The following CAMK1D variants were observed in gnomAD, a reference collection of about 807,000 sequenced individuals.
The protein encoded by CAMK1D is calcium/calmodulin-dependent protein kinase type 1D.
A neutral mutation model predicts 47.7 loss-of-function variants in CAMK1D; 9 were observed. The observed-to-expected ratio is 0.19, with a 90% CI of 0.11 to 0.33. The LOEUF is 0.33. Ranked by LOEUF, CAMK1D falls within the 10% of genes least tolerant of loss-of-function variation. The pLI is 1.00. For missense variants in CAMK1D, 291 were observed against 488.7 expected, an observed-to-expected ratio of 0.60 and a Z score of 3.81; for synonymous variants, 184 against 184.9, an observed-to-expected ratio of 0.99 and a Z score of 0.04.
Position 12,559,100 on chromosome 10 carries a change from G to T in CAMK1D, c.224+5744G>T, listed in dbSNP as rs555467758. 1.9e-4 allele frequency among the ~76,000 whole-genome samples: 29 copies of T among 152,062 alleles called. No homozygotes were observed. In the South Asian group the frequency reaches 5.6e-3, roughly 29 times the overall value. On this transcript the variant is annotated intron_variant, in intron 2 of 10. Coordinates refer to ENST00000619168, the MANE Select transcript of CAMK1D (RefSeq NM_153498.4). ...AGGCAGGAGGATTGTCTGAGGCTGGGAGTTCAAGACCAGCCTGGGCATCAT... is the reference window on the plus strand; with the variant it reads ...AGGCAGGAGGATTGTCTGAGGCTGGTAGTTCAAGACCAGCCTGGGCATCAT...
chr10:12,725,660 G>A (rs1240496694), intron 3 of CAMK1D, among the ~76,000 whole-genome samples: 1 of 152,164 alleles, frequency 6.6e-6, no homozygotes, highest in Non-Finnish European at 1.5e-5. Flanking sequence ...GCAACATCAT[G>A]AGGCGTGTCT....
At chr10:12,613,266 G>T (rs147191420) in intron 2 of CAMK1D, among the ~76,000 whole-genome samples, 4 of 152,182 alleles carry the variant, frequency 2.6e-5, no homozygotes, top group East Asian at 3.9e-4. Flanking sequence ...GCACCTAAGC[G>T]TGATAGATGG....
intron 1 of CAMK1D, among the ~76,000 whole-genome samples, chr10:12,375,124 C>T (rs1838139015): frequency 6.6e-6 from 1 of 151,966 alleles, no homozygotes; most frequent in South Asian, 2.1e-4. Context: ...GGAAAATTTT[C>T]TCTGATGCAA....
At chr10:12,606,382 C>T (rs1838462862) in intron 2 of CAMK1D, among the ~76,000 whole-genome samples, 1 of 152,182 alleles carries the variant, frequency 6.6e-6, no homozygotes, top group South Asian at 2.1e-4. Flanking sequence ...TTCCGCCTAA[C>T]CCATTTGGCT....
intron 3 of CAMK1D, among the ~76,000 whole-genome samples, chr10:12,743,220 ACC>A (rs1249110520): frequency 1.3e-5 from 2 of 151,830 alleles, no homozygotes; most frequent in Admixed American, 6.6e-5. Flanking sequence ...GGTGGCAGGC[ACC>A]TGTAATCTTA....
chr10:12,405,218 G>T (rs1334862290), intron 1 of CAMK1D, among the ~76,000 whole-genome samples: 1 of 152,160 alleles, frequency 6.6e-6, no homozygotes, highest in Non-Finnish European at 1.5e-5. Flanking sequence ...CCTCCTTCTG[G>T]GGGTTTCCAC....
Position 12,632,149 on chromosome 10 carries a change from CT to C in CAMK1D, c.225-34584del, listed in dbSNP as rs111769365. ...CACTACAGGCTTCCTGGTTTGCAGACTTTGTTGCTAAGATTCGCATCCCTTC... is the reference window on the plus strand; with the variant it reads ...CACTACAGGCTTCCTGGTTTGCAGACTTGTTGCTAAGATTCGCATCCCTTC... On this transcript the variant is annotated intron_variant, in intron 2 of 10. Coordinates refer to ENST00000619168, the MANE Select transcript of CAMK1D (RefSeq NM_153498.4). Among the ~76,000 whole-genome samples, 571 of 152,318 alleles carry C rather than the reference CT, an allele frequency of 3.7e-3. 4 individuals carry two copies. In the East Asian group the frequency reaches 0.043, roughly 11 times the overall value.
At chr10:12,409,394 C>T (rs1338644147) in intron 1 of CAMK1D, among the ~76,000 whole-genome samples, 1 of 152,182 alleles carries the variant, frequency 6.6e-6, no homozygotes, top group Non-Finnish European at 1.5e-5. Flanking sequence ...AGAGGGGAAG[C>T]AGGTGTATGC....
intron 1 of CAMK1D, among the ~76,000 whole-genome samples, chr10:12,417,054 A>G (rs1400707607): frequency 6.6e-6 from 1 of 152,208 alleles, no homozygotes; most frequent in Non-Finnish European, 1.5e-5. Context: ...CAAGCCCCCG[A>G]AGCCTCTCTG....
At chr10:12,629,116 T>G (rs1035240536) in intron 2 of CAMK1D, among the ~76,000 whole-genome samples, 7 of 152,172 alleles carry the variant, frequency 4.6e-5, no homozygotes, top group Non-Finnish European at 1.0e-4. Context: ...GCCAGCATTC[T>G]GGGAGCTGAG....
intron 4 of CAMK1D, among the ~76,000 whole-genome samples, chr10:12,766,043 G>A (rs184512896): frequency 1.6e-3 from 218 of 137,884 alleles, no homozygotes; most frequent in African/African-American, 5.8e-3. Flanking sequence ...TCAACTCTCT[G>A]CAACCTCTGC....
At chr10:12,721,203 C>T (rs1428108292) in intron 3 of CAMK1D, among the ~76,000 whole-genome samples, 1 of 152,220 alleles carries the variant, frequency 6.6e-6, no homozygotes, top group East Asian at 1.9e-4. Flanking sequence ...TATATCCTGT[C>T]GTGGTTCCCC....
chr10:12,691,423 T>A (rs1444366872), intron 3 of CAMK1D, among the ~76,000 whole-genome samples: 19 of 5,576 alleles, frequency 3.4e-3, no homozygotes, highest in Non-Finnish European at 7.4e-3. Flanking sequence ...ATATATATAT[T>A]TTTTTTTTTT....
intron 1 of CAMK1D, among the ~76,000 whole-genome samples, chr10:12,445,918 C>G (rs1316712952): frequency 6.6e-6 from 1 of 152,042 alleles, no homozygotes; most frequent in Admixed American, 6.6e-5. Context: ...TTCTGAATGT[C>G]AAATGCTAAT....
intron 1 of CAMK1D, among the ~76,000 whole-genome samples, chr10:12,462,012 C>G (rs1419513742): frequency 2.6e-5 from 4 of 151,988 alleles, no homozygotes; most frequent in Non-Finnish European, 4.4e-5. Context: ...ACCAAGACCC[C>G]TAACTCCCTT....
At chr10:12,376,021 G>C (rs1237510688) in intron 1 of CAMK1D, among the ~76,000 whole-genome samples, 1 of 151,806 alleles carries the variant, frequency 6.6e-6, no homozygotes, top group Non-Finnish European at 1.5e-5. Context: ...AAATCAGCCA[G>C]GTGTGGTGGT....
chr10:12,509,179 TGGGAAG>T (rs1370554877), intron 1 of CAMK1D, among the ~76,000 whole-genome samples: 1 of 152,130 alleles, frequency 6.6e-6, no homozygotes, highest in African/African-American at 2.4e-5. Context: ...CAGCCGCCAA[TGGGAAG>T]GGGCCCCAGG....
At chr10:12,618,774 A>C (rs1838901122) in intron 2 of CAMK1D, among the ~76,000 whole-genome samples, 1 of 152,266 alleles carries the variant, frequency 6.6e-6, no homozygotes, top group Non-Finnish European at 1.5e-5. Flanking sequence ...GAAGGCAACA[A>C]AAAGAGAATA....
At chr10:12,822,865 A>G (rs1392102749) in intron 8 of CAMK1D, among the ~76,000 whole-genome samples, 1 of 152,134 alleles carries the variant, frequency 6.6e-6, no homozygotes, top group African/African-American at 2.4e-5. Context: ...TTTCTGTTTC[A>G]GGAATATGTG....
Sources: gnomAD v4.1 joint callset for allele counts (sites outside exome capture counted in the v4.1 genomes callset) on GRCh38, gnomAD v4.1.1 for gene constraint, MANE v1.5 for transcripts, NCBI Gene and HGNC (gene_info 2026-07-23, HGNC 2026-07-21) for gene names.